TRAPPC9: variants seen among roughly 807,000 people sequenced by gnomAD.
TRAPPC9 encodes the protein IKK2 binding protein.
In TRAPPC9, 83 loss-of-function variants were observed where a neutral mutation model predicts 124.0. That is an observed-to-expected ratio of 0.67 (90% confidence interval 0.56 to 0.80). TRAPPC9 has a LOEUF of 0.80. Ranked by LOEUF, TRAPPC9 falls within the 30% of genes least tolerant of loss-of-function variation. The pLI, the probability that TRAPPC9 is intolerant of heterozygous loss-of-function variation, is 0.00. For synonymous variants in TRAPPC9, 638 were observed against 617.5 expected (o/e 1.03, Z -0.49); for missense variants, 1,302 against 1,508.3 (o/e 0.86, Z 2.27).
intron 16 of TRAPPC9, among the ~76,000 whole-genome samples, chr8:140,222,668 T>C (rs765709933): frequency 1.3e-5 from 2 of 152,230 alleles, no homozygotes; most frequent in Non-Finnish European, 2.9e-5. Context: ...CCTGGCGGAA[T>C]GAATGAGATA....
At chr8:140,400,066 A>T (rs2069215934) in intron 6 of TRAPPC9, among the ~76,000 whole-genome samples, 1 of 152,130 alleles carries the variant, frequency 6.6e-6, no homozygotes, top group Admixed American at 6.6e-5. Flanking sequence ...TCCATGTAAG[A>T]CGGGACTTAC....
chr8:140,284,074 G>A (rs557957309), intron 13 of TRAPPC9, 53 bp from the exon 14 acceptor site: 169 of 1,610,478 alleles, frequency 1.0e-4, no homozygotes, highest in South Asian at 3.0e-4. Flanking sequence ...TGGGTCTCAC[G>A]CCCACGGCTG....
intron 21 of TRAPPC9, among the ~76,000 whole-genome samples, chr8:139,745,654 G>A (rs543443349): frequency 6.6e-6 from 1 of 152,228 alleles, no homozygotes; most frequent in East Asian, 1.9e-4. Context: ...GGCCCAGCAG[G>A]CTCTGGGATT....
intron 17 of TRAPPC9, among the ~76,000 whole-genome samples, chr8:140,094,499 C>T (rs753447232): frequency 4.6e-5 from 7 of 152,184 alleles, no homozygotes; most frequent in East Asian, 1.9e-4. Flanking sequence ...AAAGGGGAAA[C>T]GTCTTGCCTT....
intron 10 of TRAPPC9, among the ~76,000 whole-genome samples, chr8:140,302,153 C>T (rs995973293): frequency 6.6e-6 from 1 of 152,170 alleles, no homozygotes; most frequent in African/African-American, 2.4e-5. Flanking sequence ...CTACAGCACT[C>T]GGCAGACAAT....
At chr8:140,272,105 G>GTGGTGGTGGCAATGGTGATAGTGATTA (rs1554657889) in intron 15 of TRAPPC9, among the ~76,000 whole-genome samples, 85 of 75,260 alleles carry the variant, frequency 1.1e-3, no homozygotes, top group South Asian at 3.7e-3. Flanking sequence ...TGAGGTGATT[G>GTGGTGGTGGCAATGGTGATAGTGATTA]TGGTGGTGGC....
chr8:140,055,500 A>G (rs1422423775), intron 17 of TRAPPC9, among the ~76,000 whole-genome samples: 1 of 152,246 alleles, frequency 6.6e-6, no homozygotes, highest in African/African-American at 2.4e-5. Flanking sequence ...TATTCAACAC[A>G]GTAGTGGAAG....
At chr8:140,383,960 A>G (rs1430432276) in intron 7 of TRAPPC9, among the ~76,000 whole-genome samples, 2 of 152,218 alleles carry the variant, frequency 1.3e-5, no homozygotes, top group Non-Finnish European at 2.9e-5. Context: ...CTAACAGCGG[A>G]TCTCTCGGCA....
intron 21 of TRAPPC9, among the ~76,000 whole-genome samples, chr8:139,885,566 C>T (rs747445853): frequency 7.2e-5 from 11 of 152,224 alleles, no homozygotes; most frequent in Non-Finnish European, 1.2e-4. Flanking sequence ...ACGGCCCACT[C>T]TACACCAAGT....
In TRAPPC9 at chr8:140,435,107, C is replaced by G. The variant is rs1237903837; in HGVS notation, c.859+5G>C. ...AGCAGAGGCCGGAAAAAGGGCAGAG[C>G]TCACCTGGCCGGTGTCTATTGGCTG... On this transcript the variant is annotated splice_donor_5th_base_variant and intron_variant, in intron 4 of 22. Coordinates refer to ENST00000438773, the MANE Select transcript of TRAPPC9 (RefSeq NM_001160372.4). The G allele has an allele frequency of 1.9e-6, 3 of 1,614,178 alleles. No individual in the cohort carries two copies. The highest frequency in any genetic ancestry group is 2.5e-6 in the Non-Finnish European group (3 of 1,180,042).
chr8:139,984,985 G>A lies in TRAPPC9; in HGVS notation c.2810+3741C>T, dbSNP rs886604962. 4.6e-5 allele frequency among the ~76,000 whole-genome samples: 7 copies of A among 152,186 alleles called. No homozygotes were observed. The highest frequency in any genetic ancestry group is 1.9e-4 in the East Asian group (1 of 5,196). On this transcript the variant is annotated intron_variant, in intron 19 of 22. Coordinates refer to ENST00000438773, the MANE Select transcript of TRAPPC9 (RefSeq NM_001160372.4). This position sits in a 1 kb window ranked among gnomAD's most constrained non-coding sequence, Gnocchi z 4.3. ...TCCCAATGTGTTGCCAATCCCCAGC[G>A]AGGAGGGGCCCTTATTTATTCTTCT... is the stretch of plus-strand genomic sequence containing the variant.
At chr8:140,330,965 A>G (rs13268420) in intron 9 of TRAPPC9, among the ~76,000 whole-genome samples, 33,948 of 151,984 alleles carry the variant, frequency 0.22, 4,611 homozygotes, top group East Asian at 0.64. Context: ...ATAGAAAAAC[A>G]AATCCTAAAA....
chr8:139,748,257 AG>A (rs1200624942), intron 21 of TRAPPC9, among the ~76,000 whole-genome samples: 4 of 22,932 alleles, frequency 1.7e-4, no homozygotes, highest in Non-Finnish European at 3.0e-4. Flanking sequence ...CAGAGCAGGT[AG>A]GGGGGGCATA....
intron 17 of TRAPPC9, among the ~76,000 whole-genome samples, chr8:140,080,260 G>GA (rs1276597339): frequency 6.6e-6 from 1 of 152,192 alleles, no homozygotes; most frequent in Non-Finnish European, 1.5e-5. Flanking sequence ...AGAACCACAT[G>GA]AGTAAACTTT....
intron 21 of TRAPPC9, among the ~76,000 whole-genome samples, chr8:139,793,411 G>A (rs1822833010): frequency 1.3e-5 from 2 of 152,142 alleles, no homozygotes; most frequent in African/African-American, 2.4e-5. Context: ...CAGCCCACAG[G>A]GCTCCACCCC....
At chr8:140,371,727 G>A (rs879655052) in intron 7 of TRAPPC9, among the ~76,000 whole-genome samples, 16 of 151,256 alleles carry the variant, frequency 1.1e-4, no homozygotes, top group East Asian at 1.9e-4. Flanking sequence ...TTTTTGAGAC[G>A]GAGTCTCACT....
chr8:139,992,309 T>C (rs1837699520), intron 18 of TRAPPC9, among the ~76,000 whole-genome samples: 1 of 152,188 alleles, frequency 6.6e-6, no homozygotes. Context: ...AGGTTGAGTA[T>C]GCTTGGACCA....
At chr8:140,062,531 C>T (rs1217535308) in intron 17 of TRAPPC9, among the ~76,000 whole-genome samples, 1 of 152,086 alleles carries the variant, frequency 6.6e-6, no homozygotes, top group East Asian at 1.9e-4. Context: ...CCTCTTACTC[C>T]TCAAGGCTCA....
chr8:139,831,986 A>G (rs958332666), intron 21 of TRAPPC9, among the ~76,000 whole-genome samples: 1 of 152,176 alleles, frequency 6.6e-6, no homozygotes, highest in African/African-American at 2.4e-5. Context: ...CTCTCCGTGA[A>G]GTGTCCATTA....
Sources: gnomAD v4.1 joint callset for allele counts (sites outside exome capture counted in the v4.1 genomes callset) on GRCh38, gnomAD v4.1.1 for gene constraint, Gnocchi (gnomAD v3.1) non-coding constraint, MANE v1.5 for transcripts, NCBI Gene and HGNC (gene_info 2026-07-23, HGNC 2026-07-21) for gene names.